The following RALY variants were observed in gnomAD, a reference collection of about 807,000 sequenced individuals.
RALY encodes the protein RNA-binding protein Raly.
In RALY, 15 loss-of-function variants were observed where a neutral mutation model predicts 30.7. The ratio of observed to expected loss-of-function variants is 0.49; its 90% confidence interval spans 0.33 to 0.75. The LOEUF (loss-of-function observed/expected upper bound fraction) is 0.75, where lower values mean the gene tolerates loss of function less well. Among genes scored for constraint, RALY ranks in the 30% least tolerant of loss-of-function variants. The pLI, the probability that RALY is intolerant of heterozygous loss-of-function variation, is 0.02. For synonymous variants in RALY, 177 were observed against 170.8 expected (o/e 1.04, Z -0.28); for missense variants, 339 against 414.3 (o/e 0.82, Z 1.58).
rs1470765705 is a variant in RALY, at chr20:34,078,537, G to T, written c.909G>T (p.Gly303=). ...EHSQDTDADD[G]ALQ ...GCCAGGACACAGACGCGGATGATGG[G>T]GCCTTGCAGTAAGCAGGTACAGGGG... Residue 303 remains glycine (G), a synonymous_variant, in exon 9 of 10, where the codon GGG becomes GGT. Transcript: ENST00000246194. 6.3e-7 allele frequency: 1 copy of T among 1,588,544 alleles called. No individual in the cohort carries two copies. Among genetic ancestry groups the T allele is most frequent in the Non-Finnish European group, 8.6e-7 (1 of 1,167,458 alleles).
intron 4 of RALY, 25 bp downstream of exon 4, chr20:34,073,660 G>C (rs1448564893): frequency 1.2e-5 from 18 of 1,561,020 alleles, no homozygotes; most frequent in Non-Finnish European, 1.5e-5. Context: ...CTGTCTGTCT[G>C]TCTGGTGGGA....
intron 1 of RALY, among the ~76,000 whole-genome samples, chr20:34,012,261 G>C (rs982446355): frequency 6.6e-6 from 1 of 152,118 alleles, no homozygotes; most frequent in Non-Finnish European, 1.5e-5. Flanking sequence ...ATGAGGTGGC[G>C]GAAGGTTGCC....
intron 8 of RALY, chr20:34,077,625 G>C (rs2033931032): frequency 3.0e-6 from 1 of 335,708 alleles, no homozygotes; most frequent in Non-Finnish European, 5.6e-6. Context: ...AAAAGCCATT[G>C]CTGCTTAAGC....
chr20:34,000,355 G>A (rs1431989410), intron 1 of RALY, among the ~76,000 whole-genome samples: 2 of 151,872 alleles, frequency 1.3e-5, no homozygotes, highest in African/African-American at 4.8e-5. Context: ...TTCTATAAAG[G>A]CCCAAAGAGT....
intron 1 of RALY, among the ~76,000 whole-genome samples, chr20:33,996,421 T>C (rs1473078260): frequency 6.6e-6 from 1 of 152,152 alleles, no homozygotes; most frequent in East Asian, 1.9e-4. Flanking sequence ...GTACCACCAG[T>C]CAATGGACTG....
chr20:34,018,143 T>A (rs895807077), intron 1 of RALY, among the ~76,000 whole-genome samples: 1 of 152,202 alleles, frequency 6.6e-6, no homozygotes, highest in Admixed American at 6.5e-5. Context: ...GTACCTAACG[T>A]GTAGCAAAAC....
intron 8 of RALY, chr20:34,077,486 C>T (rs2033926283): frequency 1.3e-6 from 1 of 773,694 alleles, no homozygotes; most frequent in Middle Eastern, 3.8e-4. Context: ...CGGGCACATT[C>T]TGGCCTCCGG....
At chr20:34,029,319 C>T (rs1027845716) in intron 1 of RALY, among the ~76,000 whole-genome samples, 3 of 152,034 alleles carry the variant, frequency 2.0e-5, no homozygotes, top group Non-Finnish European at 2.9e-5. Context: ...CACCTGTAAT[C>T]GCAGCTACTC....
rs2034066695 is a variant in RALY at position 34,083,941 on chromosome 20, C to T, written c.*4036C>T. 5 of 152,190 alleles carry T rather than the reference C, an allele frequency of 3.3e-5. No individual in the cohort carries two copies. The highest frequency in any genetic ancestry group is 6.5e-5 in the Admixed American group (1 of 15,270). 9.4% of individuals were successfully genotyped at this position (152,190 alleles called of 1,614,324 possible). ...TAGCCAGATTCTTCATAATAAACTTCCTCCATAACAGTAAACCATTTCCTG... is the reference window on the plus strand; with the variant it reads ...TAGCCAGATTCTTCATAATAAACTTTCTCCATAACAGTAAACCATTTCCTG... On this transcript the variant is annotated 3_prime_UTR_variant, in exon 10 of 10. Transcript: ENST00000246194.
Position 34,039,998 on chromosome 20 carries a change from C to G in RALY, c.-10+8394C>G, listed in dbSNP as rs112018830. On this transcript the variant is annotated intron_variant, in intron 2 of 9. Coordinates refer to ENST00000246194, the MANE Select transcript of RALY (RefSeq NM_016732.3). ...TGGTGGCGTGTGCCAGTAATCCTAG[C>G]TACTTGGGAGGCTGAGGCAGGAGAA... 2.5e-3 allele frequency among the ~76,000 whole-genome samples: 378 copies of G among 152,112 alleles called. 2 individuals carry two copies. The highest frequency in any genetic ancestry group is 4.3e-3 in the Non-Finnish European group (291 of 67,988).
intron 2 of RALY, among the ~76,000 whole-genome samples, chr20:34,032,017 C>G (rs2032299239): frequency 6.6e-6 from 1 of 152,214 alleles, no homozygotes; most frequent in Non-Finnish European, 1.5e-5. Flanking sequence ...GACTGCAGTG[C>G]AATGGCACGA....
rs75849264 is a variant in RALY at position 34,023,460 on chromosome 20, C to G, written c.-92-8062C>G. ...TTTCTACTATATGCTGCCTTCCTTA[C>G]AGAGGGGTGGAGAGAGCAGCAAACC... On this transcript the variant is annotated intron_variant, in intron 1 of 9. Coordinates refer to ENST00000246194, the MANE Select transcript of RALY (RefSeq NM_016732.3). Among the ~76,000 whole-genome samples, 327 of 152,190 alleles carry G rather than the reference C, an allele frequency of 2.1e-3. 1 individual carries two copies. The highest frequency in any genetic ancestry group is 7.6e-3 in the African/African-American group (316 of 41,532).
chr20:34,047,971 G>A (rs186625137), intron 2 of RALY, among the ~76,000 whole-genome samples: 22 of 152,272 alleles, frequency 1.4e-4, no homozygotes, highest in Admixed American at 1.3e-3. Flanking sequence ...AGAAATGTTG[G>A]GCAAGAAGGA....
At chr20:34,036,730 T>C (rs1255507170) in intron 2 of RALY, among the ~76,000 whole-genome samples, 1 of 152,190 alleles carries the variant, frequency 6.6e-6, no homozygotes, top group Non-Finnish European at 1.5e-5. Context: ...CTACTTAGAT[T>C]TTCTCTTTCT....
At chr20:34,035,849 TAAAG>T (rs1222502830) in intron 2 of RALY, among the ~76,000 whole-genome samples, 1 of 152,198 alleles carries the variant, frequency 6.6e-6, no homozygotes, top group Non-Finnish European at 1.5e-5. Flanking sequence ...ACTGGATTAT[TAAAG>T]AAGGCCTCTC....
At chr20:34,003,947 GT>G (rs1219699457) in intron 1 of RALY, among the ~76,000 whole-genome samples, 16 of 152,282 alleles carry the variant, frequency 1.1e-4, no homozygotes, top group Admixed American at 5.2e-4. Flanking sequence ...CCTCCAAACA[GT>G]TTTAAAAGGT....
rs2034049167 is a variant in RALY at position 34,082,693 on chromosome 20, G to C, written c.*2788G>C. ...AAAGCCCCTGGATGCTCCAGCCCCTGGGAAAGCACACAGCCAGGCCCTTGG... is the reference window on the plus strand; with the variant it reads ...AAAGCCCCTGGATGCTCCAGCCCCTCGGAAAGCACACAGCCAGGCCCTTGG... On this transcript the variant is annotated 3_prime_UTR_variant, in exon 10 of 10. Coordinates refer to ENST00000246194, the MANE Select transcript of RALY (RefSeq NM_016732.3). 6.6e-6 allele frequency: 1 copy of C among 152,294 alleles called. No homozygotes were observed. Among genetic ancestry groups the C allele is most frequent in the Admixed American group, 6.5e-5 (1 of 15,282 alleles). 9.4% of individuals were successfully genotyped at this position (152,294 alleles called of 1,614,324 possible). A position where few individuals can be genotyped will look rare whatever the true frequency, so the allele number is the denominator to read the frequency against.
At position 34,077,099 on chromosome 20, in the gene RALY, A is replaced by G. The variant is rs750006356; in HGVS notation, c.730A>G (p.Ser244Gly). The G allele has an allele frequency of 3.9e-5, 62 of 1,604,842 alleles. No homozygotes were observed. Among genetic ancestry groups the G allele is most frequent in the Middle Eastern group, 3.3e-4 (2 of 6,022 alleles). The part of the protein sequence containing the change: ...GGGGGSGGGG[S>G]GGGGGGGSSR... Reference sequence around the variant, plus strand: ...TGGTGGTGGCAGCGGTGGCGGTGGCAGTGGTGGTGGCGGTGGCGGTGGCAG... The same window carrying G: ...TGGTGGTGGCAGCGGTGGCGGTGGCGGTGGTGGTGGCGGTGGCGGTGGCAG... Residue 244 changes from serine (S) to glycine (G), a missense_variant, in exon 8 of 10, where the codon AGT (serine) becomes GGT (glycine). Coordinates refer to ENST00000246194, the MANE Select transcript of RALY (RefSeq NM_016732.3).
intron 2 of RALY, among the ~76,000 whole-genome samples, chr20:34,032,751 G>T (rs2032333831): frequency 6.6e-6 from 1 of 152,156 alleles, no homozygotes. Flanking sequence ...TAAAGTTGAT[G>T]TTAGAACCCA....
Sources: gnomAD v4.1 joint callset for allele counts (sites outside exome capture counted in the v4.1 genomes callset) on GRCh38, gnomAD v4.1.1 for gene constraint, MANE v1.5 for transcripts, NCBI Gene and HGNC (gene_info 2026-07-23, HGNC 2026-07-21) for gene names.